The following PRDM2 variants were observed in gnomAD, a reference collection of about 807,000 sequenced individuals.
PRDM2 encodes PR domain zinc finger protein 2.
PRDM2 carries 30 observed loss-of-function variants against 130.0 expected under a neutral mutation model. That is an observed-to-expected ratio of 0.23 (90% CI 0.17 to 0.31). The LOEUF (loss-of-function observed/expected upper bound fraction) is 0.31. PRDM2 is among the 10% of genes least tolerant of loss of function. The pLI is 1.00. For synonymous variants in PRDM2, 871 were observed against 782.4 expected, an observed-to-expected ratio of 1.11 and a Z score of -1.89; for missense variants, 2,011 against 2,108.4, an observed-to-expected ratio of 0.95 and a Z score of 0.90.
At chr1:13,700,530 C>T (rs1437818005) in intron 1 of PRDM2, among the ~76,000 whole-genome samples, 1 of 151,138 alleles carries the variant, frequency 6.6e-6, no homozygotes, top group African/African-American at 2.4e-5. Flanking sequence ...GCGCCGGGCT[C>T]CTCCTTGTCG....
At chr1:13,711,863 T>C (rs1452291034) in intron 1 of PRDM2, among the ~76,000 whole-genome samples, 3 of 152,082 alleles carry the variant, frequency 2.0e-5, no homozygotes, top group Admixed American at 6.6e-5. Context: ...AGTGAATCTT[T>C]AAGAAAAAGA....
intron 5 of PRDM2, 84 bp from the exon 6 acceptor site, chr1:13,749,277 C>T (rs1643723281): frequency 5.6e-6 from 7 of 1,246,872 alleles, no homozygotes; most frequent in Admixed American, 3.0e-5. Flanking sequence ...GGCGCCGCTC[C>T]CGCCCGCGTC....
In PRDM2 at chr1:13,823,234, G is replaced by C. The variant is rs1192551880; in HGVS notation, c.*99G>C. ...CTGCAGGGAGTACCGACCTATCCCA[G>C]TTGTGTGAGGCTGCGAGAGAAAGGG... On this transcript the variant is annotated 3_prime_UTR_variant, in exon 10 of 10. Transcript: ENST00000311066. The C allele has an allele frequency of 1.3e-5, 20 of 1,593,608 alleles. No individual in the cohort carries two copies. The highest frequency in any genetic ancestry group is 2.7e-5 in the African/African-American group (2 of 74,474).
chr1:13,725,062 G>A (rs1298404500), intron 2 of PRDM2, among the ~76,000 whole-genome samples: 1 of 152,200 alleles, frequency 6.6e-6, no homozygotes, highest in Non-Finnish European at 1.5e-5. Context: ...AAGACTGGAG[G>A]CGGTCTTAGT....
chr1:13,754,719 T>C (rs1643908176), intron 6 of PRDM2, among the ~76,000 whole-genome samples: 1 of 152,234 alleles, frequency 6.6e-6, no homozygotes, highest in Admixed American at 6.5e-5. Flanking sequence ...CTGTGGTGTC[T>C]GAGGATGATG....
At chr1:13,735,880 A>G (rs1177483810) in intron 4 of PRDM2, among the ~76,000 whole-genome samples, 2 of 152,192 alleles carry the variant, frequency 1.3e-5, no homozygotes, top group Non-Finnish European at 2.9e-5. Flanking sequence ...TGAAACTCCT[A>G]TCATCCAGGC....
chr1:13,736,331 C>G (rs1643272167), intron 4 of PRDM2, among the ~76,000 whole-genome samples: 1 of 152,020 alleles, frequency 6.6e-6, no homozygotes, highest in African/African-American at 2.4e-5. Flanking sequence ...CCAGGCTGGT[C>G]TTGAACTCAG....
At chr1:13,722,536 G>A (rs1642764306) in intron 2 of PRDM2, among the ~76,000 whole-genome samples, 1 of 151,926 alleles carries the variant, frequency 6.6e-6, no homozygotes, top group South Asian at 2.1e-4. Flanking sequence ...TGGGTAGACC[G>A]AACAAACCCC....
intron 1 of PRDM2, among the ~76,000 whole-genome samples, chr1:13,709,168 A>G (rs974196256): frequency 4.6e-5 from 7 of 151,502 alleles, no homozygotes; most frequent in East Asian, 1.9e-4. Context: ...TTTTTTACCC[A>G]AAGTATTTTT....
chr1:13,809,038 C>T (rs944310151), intron 8 of PRDM2, among the ~76,000 whole-genome samples: 1 of 152,212 alleles, frequency 6.6e-6, no homozygotes, highest in Non-Finnish European at 1.5e-5. Context: ...CCAGGCCTCT[C>T]TGGGTGAATC....
At chr1:13,809,606 A>G (rs1327514692) in intron 8 of PRDM2, among the ~76,000 whole-genome samples, 7 of 152,084 alleles carry the variant, frequency 4.6e-5, no homozygotes. Context: ...CAGTGCGTGA[A>G]TGGAGTTCAA....
At chr1:13,700,705 G>T (rs1047482048) in intron 1 of PRDM2, among the ~76,000 whole-genome samples, 3 of 152,054 alleles carry the variant, frequency 2.0e-5, no homozygotes, top group African/African-American at 7.2e-5. Flanking sequence ...TTGTCAAGCC[G>T]CTGTGCTTTT....
intron 8 of PRDM2, among the ~76,000 whole-genome samples, chr1:13,799,691 A>G (rs758216819): frequency 1.3e-5 from 2 of 152,188 alleles, no homozygotes; most frequent in Admixed American, 6.5e-5. Context: ...GCCAAGTTAA[A>G]TGCATGCCAA....
At chr1:13,753,757 G>A in intron 6 of PRDM2, among the ~76,000 whole-genome samples, 1 of 152,132 alleles carries the variant, frequency 6.6e-6, no homozygotes, top group East Asian at 1.9e-4. Context: ...AAGAGTGGCA[G>A]GATGGGGATG....
intron 2 of PRDM2, among the ~76,000 whole-genome samples, chr1:13,729,060 G>A (rs1386494027): frequency 6.6e-6 from 1 of 152,180 alleles, no homozygotes; most frequent in African/African-American, 2.4e-5. Flanking sequence ...TCCAGGCTTT[G>A]AGCCCTTTAA....
At chr1:13,772,469 G>A (rs1644380951) in intron 6 of PRDM2, among the ~76,000 whole-genome samples, 1 of 152,166 alleles carries the variant, frequency 6.6e-6, no homozygotes, top group Non-Finnish European at 1.5e-5. Flanking sequence ...ACCTGGACTG[G>A]ACCTACAGTC....
At chr1:13,722,850 C>G (rs1380576035) in intron 2 of PRDM2, 1 of 516,638 alleles carries the variant, frequency 1.9e-6, no homozygotes, top group Non-Finnish European at 3.9e-6. Context: ...CGTTTTGAAT[C>G]AGATACTTTG....
intron 8 of PRDM2, among the ~76,000 whole-genome samples, chr1:13,784,358 CAG>C (rs1047698122): frequency 4.9e-4 from 75 of 152,312 alleles, no homozygotes; most frequent in African/African-American, 1.7e-3. Context: ...CTTCAACAAG[CAG>C]AGTGTGCCTT....
intron 6 of PRDM2, among the ~76,000 whole-genome samples, chr1:13,751,706 A>C (rs1643846493): frequency 6.6e-6 from 1 of 152,282 alleles, no homozygotes; most frequent in African/African-American, 2.4e-5. Context: ...CGACAGGTAG[A>C]TTGACAGTGG....
Sources: allele counts gnomAD v4.1 joint callset (sites outside exome capture counted in the v4.1 genomes callset), GRCh38; gene constraint gnomAD v4.1.1; transcripts MANE v1.5; gene names NCBI Gene and HGNC (gene_info 2026-07-23, HGNC 2026-07-21).